Variants in NEDD4 observed in about 807,000 individuals in gnomAD.
The protein encoded by NEDD4 is NEDD4 E3 ubiquitin protein ligase.
In NEDD4, 99 loss-of-function variants were observed where a neutral mutation model predicts 144.9. The observed-to-expected ratio is 0.68, with a 90% CI of 0.58 to 0.81. NEDD4 has a LOEUF of 0.81. NEDD4 is among the 30% of genes least tolerant of loss of function. The pLI is 0.00. For missense variants in NEDD4, 985 were observed against 1,065.9 expected, an observed-to-expected ratio of 0.92 and a Z score of 1.06; for synonymous variants, 318 against 350.6, an observed-to-expected ratio of 0.91 and a Z score of 1.04.
rs532228892 is a variant in NEDD4, at chr15:55,925,082, A to AAAAC, written c.238-387_238-384dup. ...GACTCCATCTCAAGAAAAACAAAAC[A>AAAAC]AAACAAACAAACAAAAAGAAGTTGC... On this transcript the variant is annotated intron_variant, in intron 4 of 28. Transcript: ENST00000435532. Among the ~76,000 whole-genome samples the AAAAC allele has an allele frequency of 5.3e-5, 8 of 152,304 alleles. No homozygotes were observed. In the South Asian group the frequency reaches 6.2e-4, roughly 12 times the overall value.
intron 8 of NEDD4, among the ~76,000 whole-genome samples, chr15:55,864,936 G>A (rs1327229320): frequency 3.9e-5 from 6 of 151,990 alleles, no homozygotes; most frequent in Admixed American, 2.0e-4. Context: ...AGTGGTTCAT[G>A]CCTGCAATCT....
At position 55,966,060 on chromosome 15, in the gene NEDD4, G is replaced by A. The variant is rs560266109; in HGVS notation, c.119+413C>T. Among the ~76,000 whole-genome samples the A allele has an allele frequency of 1.1e-3, 167 of 152,264 alleles. 1 individual carries two copies. The Middle Eastern group carries it at 0.024, about 22-fold the overall frequency. On this transcript the variant is annotated intron_variant, in intron 2 of 28. Coordinates refer to ENST00000435532, the MANE Select transcript of NEDD4 (RefSeq NM_006154.4). ...CTACCTGCCCTCAGACCAATTCATA[G>A]TATCAGGAACTCACTCAGTACAATT...
intron 5 of NEDD4, chr15:55,916,511 A>G: frequency 6.2e-7 from 1 of 1,614,108 alleles, no homozygotes; most frequent in Non-Finnish European, 8.5e-7. Flanking sequence ...CATCACTATC[A>G]GCTAAGACAT....
chr15:55,895,985 C>T (rs1319873805), intron 5 of NEDD4, among the ~76,000 whole-genome samples: 15 of 152,184 alleles, frequency 9.9e-5, no homozygotes, highest in Admixed American at 9.2e-4. Flanking sequence ...AGGCATCTTA[C>T]AGACTGGTGA....
At chr15:55,896,302 C>T (rs1324770291) in intron 5 of NEDD4, among the ~76,000 whole-genome samples, 3 of 152,154 alleles carry the variant, frequency 2.0e-5, no homozygotes, top group African/African-American at 7.2e-5. Context: ...CTGCCTCAGC[C>T]TCCCCAAGTA....
chr15:55,881,910 T>C (rs1160490345), intron 5 of NEDD4, among the ~76,000 whole-genome samples: 3 of 152,178 alleles, frequency 2.0e-5, no homozygotes, highest in African/African-American at 2.4e-5. Flanking sequence ...TCCTGGCCTC[T>C]ACCCACTTGT....
rs138004913 is a variant in NEDD4, at chr15:55,880,765, G to A, written c.292-6757C>T. Among the ~76,000 whole-genome samples the A allele has an allele frequency of 1.5e-3, 222 of 152,274 alleles. 1 individual carries two copies. The highest frequency in any genetic ancestry group is 1.9e-3 in the Non-Finnish European group (126 of 68,016). On this transcript the variant is annotated intron_variant, in intron 5 of 28. Transcript: ENST00000435532. Reference sequence around the variant, plus strand: ...CATACTGGAGCAGGAAGACAGCTACGAGAGAGATGTTTCCTAGAAGAGTAG... The same window carrying A: ...CATACTGGAGCAGGAAGACAGCTACAAGAGAGATGTTTCCTAGAAGAGTAG...
intron 1 of NEDD4, among the ~76,000 whole-genome samples, chr15:55,984,325 T>A (rs923107936): frequency 6.6e-6 from 1 of 152,220 alleles, no homozygotes; most frequent in Non-Finnish European, 1.5e-5. Context: ...CACTTCTCCC[T>A]ACTGGGAGAA....
At chr15:55,858,273 G>A (rs569095808) in intron 11 of NEDD4, among the ~76,000 whole-genome samples, 11 of 151,480 alleles carry the variant, frequency 7.3e-5, no homozygotes, top group East Asian at 3.9e-4. Context: ...GAATGGGATC[G>A]TATGTGATTT....
At position 55,993,497 on chromosome 15, in the gene NEDD4, C is replaced by CGGTCCCCGCACCTCT. The variant is rs1566982095; in HGVS notation, c.45+13_45+14insAGAGGTGCGGGGACC. 1 of 1,594,482 alleles carries CGGTCCCCGCACCTCT rather than the reference C, an allele frequency of 6.3e-7. No homozygotes were observed. Among genetic ancestry groups the CGGTCCCCGCACCTCT allele is most frequent in the Non-Finnish European group, 8.5e-7 (1 of 1,173,028 alleles). ...CGAAGGGAAGCCCGCCCCGCAGCCC[C>CGGTCCCCGCACCTCT]GCGGTCCCCGCACCTCGTCCTCCAG... On this transcript the variant is annotated intron_variant, in intron 1 of 28. Transcript: ENST00000435532.
intron 5 of NEDD4, among the ~76,000 whole-genome samples, chr15:55,895,419 T>A (rs2035707691): frequency 6.6e-6 from 1 of 152,222 alleles, no homozygotes; most frequent in Non-Finnish European, 1.5e-5. Context: ...AAATCTTGGA[T>A]GTTCAATTTA....
chr15:55,842,115 G>A lies in NEDD4; in HGVS notation c.1657C>T (p.Leu553Phe). ...ATAATTCTCCGGTAAGAGTCTTCAA[G>A]AACAGTTGCTCGGCGAAGTTTCATT... ...FEMKLRRATV[L>F]EDSYRRIMGV... The change falls in exon 19 of 29, where the codon CTT becomes TTT. Residue 553 changes from leucine (L) to phenylalanine (F), a missense_variant. Leu to Phe is a conservative substitution (Grantham distance 22). Transcript: ENST00000435532. 6.2e-7 allele frequency: 1 copy of A among 1,614,148 alleles called. No individual in the cohort carries two copies. The highest frequency in any genetic ancestry group is 8.5e-7 in the Non-Finnish European group (1 of 1,180,022).
intron 5 of NEDD4, among the ~76,000 whole-genome samples, chr15:55,889,607 T>C (rs1309433345): frequency 6.6e-6 from 1 of 152,076 alleles, no homozygotes; most frequent in Non-Finnish European, 1.5e-5. Context: ...AGATAAGTAA[T>C]GGCTACACAA....
At chr15:55,938,849 T>C (rs1401150458) in intron 4 of NEDD4, among the ~76,000 whole-genome samples, 1 of 151,976 alleles carries the variant, frequency 6.6e-6, no homozygotes, top group Admixed American at 6.6e-5. Context: ...CTCATGCCTG[T>C]GATCTCAGCA....
Position 55,915,980 on chromosome 15 carries a change from C to T in NEDD4, c.291+8666G>A, listed in dbSNP as rs74666744. ...AGGATCCTTTGCTCAGAAGAGTACA[C>T]AGACTTGTTGGAGAAGTCGGTCGGG... On this transcript the variant is annotated intron_variant, in intron 5 of 28. Transcript: ENST00000435532. 2,364 of 1,613,766 alleles carry T rather than the reference C, an allele frequency of 1.5e-3. 28 individuals are homozygous for T. The East Asian group carries it at 0.019, about 13-fold the overall frequency.
chr15:55,868,797 C>T (rs12905408), intron 8 of NEDD4, among the ~76,000 whole-genome samples: 8 of 152,266 alleles, frequency 5.3e-5, no homozygotes, highest in South Asian at 2.1e-4. Flanking sequence ...GGAACCTCAA[C>T]GAGCAGGTGT....
At chr15:55,909,660 G>A (rs1449493444) in intron 5 of NEDD4, among the ~76,000 whole-genome samples, 1 of 152,106 alleles carries the variant, frequency 6.6e-6, no homozygotes, top group Admixed American at 6.6e-5. Flanking sequence ...CTCTTGTCCT[G>A]GCTTCTCCTG....
Position 55,830,588 on chromosome 15 carries a change from T to C in NEDD4, c.2528-2A>G, listed in dbSNP as rs749657138. ...TAAATGACTGTGGTCCATTTGAACC[T>C]ATAAGGAAGAATTTATTTGGTTTCA... On this transcript the variant is annotated splice_acceptor_variant, in intron 27 of 28. Coordinates refer to ENST00000435532, the MANE Select transcript of NEDD4 (RefSeq NM_006154.4). LOFTEE classifies it high-confidence loss of function. 1 of 1,613,762 alleles carries C rather than the reference T, an allele frequency of 6.2e-7. No individual in the cohort carries two copies. Among genetic ancestry groups the C allele is most frequent in the Non-Finnish European group, 8.5e-7 (1 of 1,179,622 alleles).
At chr15:55,954,033 A>G (rs1249183824) in intron 2 of NEDD4, among the ~76,000 whole-genome samples, 1 of 151,752 alleles carries the variant, frequency 6.6e-6, no homozygotes, top group Non-Finnish European at 1.5e-5. Flanking sequence ...CATTTCCTTA[A>G]TTCATGTTAC....
Sources: gnomAD v4.1 joint callset for allele counts (sites outside exome capture counted in the v4.1 genomes callset) on GRCh38, gnomAD v4.1.1 for gene constraint, MANE v1.5 for transcripts, NCBI Gene and HGNC (gene_info 2026-07-23, HGNC 2026-07-21) for gene names.